NELL2: variants seen among roughly 807,000 people sequenced by gnomAD.
NELL2 encodes protein kinase C-binding protein NELL2.
NELL2 carries 41 observed loss-of-function variants against 109.6 expected under a neutral mutation model. The ratio of observed to expected loss-of-function variants is 0.37; its 90% confidence interval spans 0.29 to 0.49. The LOEUF (loss-of-function observed/expected upper bound fraction) is 0.49. Among genes scored for constraint, NELL2 ranks in the 20% least tolerant of loss-of-function variants. The pLI is 0.98. For synonymous variants in NELL2, 355 were observed against 344.7 expected (o/e 1.03, Z -0.33); for missense variants, 900 against 1,008.3 (o/e 0.89, Z 1.45).
upstream of NELL2, among the ~76,000 whole-genome samples, chr12:44,916,526 T>C (rs904715071): frequency 6.6e-6 from 1 of 152,206 alleles, no homozygotes; most frequent in Admixed American, 6.5e-5. Flanking sequence ...AGGGCACCAC[T>C]GTGATTTTTT....
At chr12:44,582,121 T>C (rs551725949) in intron 15 of NELL2, among the ~76,000 whole-genome samples, 2 of 152,242 alleles carry the variant, frequency 1.3e-5, no homozygotes, top group African/African-American at 4.8e-5. Flanking sequence ...GGGTAAAGAC[T>C]GGGAAGGGTG....
At chr12:44,608,264 C>CT (rs1945478325) in intron 14 of NELL2, among the ~76,000 whole-genome samples, 1 of 151,988 alleles carries the variant, frequency 6.6e-6, no homozygotes, top group Admixed American at 6.6e-5. Context: ...GTAGAATACA[C>CT]TTTTTCAGAG....
At chr12:44,531,123 T>C (rs1942034133) in intron 16 of NELL2, among the ~76,000 whole-genome samples, 4 of 152,140 alleles carry the variant, frequency 2.6e-5, no homozygotes, top group Admixed American at 1.3e-4. Flanking sequence ...GCAAGGATAC[T>C]AACCCAAATT....
chr12:44,817,415 C>G (rs180886961), intron 2 of NELL2, among the ~76,000 whole-genome samples: 1 of 152,108 alleles, frequency 6.6e-6, no homozygotes, highest in Non-Finnish European at 1.5e-5. Flanking sequence ...TTGAGACACT[C>G]GTATAATAGA....
intron 9 of NELL2, among the ~76,000 whole-genome samples, chr12:44,757,883 T>C (rs988070417): frequency 6.6e-6 from 1 of 152,188 alleles, no homozygotes; most frequent in Non-Finnish European, 1.5e-5. Flanking sequence ...GAGTATGATG[T>C]AATTAAGTAT....
At chr12:44,709,438 T>C (rs993452048) in intron 11 of NELL2, among the ~76,000 whole-genome samples, 1 of 152,134 alleles carries the variant, frequency 6.6e-6, no homozygotes. Context: ...CAACATGTAG[T>C]GAGGCCATCT....
Position 44,681,016 on chromosome 12 carries a change from T to C in NELL2, c.1319-15407A>G, listed in dbSNP as rs78707694. On this transcript the variant is annotated intron_variant, in intron 12 of 19. Coordinates refer to ENST00000429094, the MANE Select transcript of NELL2 (RefSeq NM_001145108.2). ...CTTATTTTCTTTGTGCAATTCTTTT[T>C]TTTTAAGAACCAAATCCATTTTATT... 3.9e-5 allele frequency among the ~76,000 whole-genome samples: 6 copies of C among 152,108 alleles called. No homozygotes were observed. In the East Asian group the frequency reaches 9.6e-4, roughly 24 times the overall value.
chr12:44,855,997 T>C (rs79022926), intron 2 of NELL2, among the ~76,000 whole-genome samples: 2,271 of 152,212 alleles, frequency 0.015, 77 homozygotes, highest in African/African-American at 0.052. Context: ...ATACAAAACA[T>C]AAAGTCACGA....
At chr12:44,572,010 G>C (rs954054833) in intron 15 of NELL2, among the ~76,000 whole-genome samples, 1 of 151,904 alleles carries the variant, frequency 6.6e-6, no homozygotes, top group African/African-American at 2.4e-5. Context: ...AACGTGCATA[G>C]CTCAAAAAAG....
chr12:44,649,607 A>G (rs1381165052), intron 13 of NELL2, among the ~76,000 whole-genome samples: 3 of 152,162 alleles, frequency 2.0e-5, no homozygotes, highest in African/African-American at 4.8e-5. Context: ...ACAGCATTGA[A>G]GGCTTCAGAG....
At chr12:44,646,689 G>A (rs1402989959) in intron 13 of NELL2, among the ~76,000 whole-genome samples, 1 of 152,132 alleles carries the variant, frequency 6.6e-6, no homozygotes, top group Non-Finnish European at 1.5e-5. Context: ...AGATAAGAGG[G>A]GACTACTGTA....
chr12:44,567,569 GAATGATGACTTAAGC>G (rs1207209365), intron 15 of NELL2, among the ~76,000 whole-genome samples: 2 of 152,102 alleles, frequency 1.3e-5, no homozygotes, highest in African/African-American at 4.8e-5. Flanking sequence ...GGGAACAAGG[GAATGATGACTTAAGC>G]ATGTACTGAA....
At chr12:44,906,775 T>G (rs557555066) in intron 1 of NELL2, among the ~76,000 whole-genome samples, 1 of 152,212 alleles carries the variant, frequency 6.6e-6, no homozygotes, top group South Asian at 2.1e-4. Flanking sequence ...ACTAAAAATA[T>G]GTCCAAATAG....
intron 2 of NELL2, among the ~76,000 whole-genome samples, chr12:44,868,462 T>A (rs965646520): frequency 4.6e-5 from 7 of 152,196 alleles, no homozygotes; most frequent in Admixed American, 4.6e-4. Flanking sequence ...TGATCTCACA[T>A]CTTGACAATT....
intron 10 of NELL2, among the ~76,000 whole-genome samples, chr12:44,711,661 C>A (rs1348029555): frequency 6.6e-6 from 1 of 151,952 alleles, no homozygotes; most frequent in African/African-American, 2.4e-5. Flanking sequence ...TCTGGGTAAT[C>A]CTGGAAAATT....
intron 1 of NELL2, among the ~76,000 whole-genome samples, chr12:44,911,795 A>G (rs1305016915): frequency 6.6e-6 from 1 of 151,790 alleles, no homozygotes; most frequent in Non-Finnish European, 1.5e-5. Flanking sequence ...ACAAAATTCT[A>G]GGGGACCAAA....
chr12:44,636,981 G>C (rs1810866228), intron 13 of NELL2, among the ~76,000 whole-genome samples: 1 of 152,074 alleles, frequency 6.6e-6, no homozygotes, highest in African/African-American at 2.4e-5. Context: ...TTAGTGTTGG[G>C]AGGGTGTATG....
intron 13 of NELL2, among the ~76,000 whole-genome samples, chr12:44,648,934 G>GTGTGTT (rs1947202433): frequency 6.7e-6 from 1 of 149,040 alleles, no homozygotes. Flanking sequence ...GTGTGTGTGT[G>GTGTGTT]TGTGTGTGTT....
Position 44,615,895 on chromosome 12 carries a change from G to T in NELL2, c.1445-4925C>A, listed in dbSNP as rs1375930324. Among the ~76,000 whole-genome samples the T allele has an allele frequency of 3.3e-5, 5 of 152,082 alleles. No individual in the cohort carries two copies. In the South Asian group the frequency reaches 8.3e-4, roughly 25 times the overall value. Reference sequence around the variant, plus strand: ...ATATAAGTTTTTAAAAGAAAAGGATGATAACAACATGTTCAAGTTCAAATC... The same window carrying T: ...ATATAAGTTTTTAAAAGAAAAGGATTATAACAACATGTTCAAGTTCAAATC... On this transcript the variant is annotated intron_variant, in intron 13 of 19. Transcript: ENST00000429094.
Sources: gnomAD v4.1 joint callset for allele counts (sites outside exome capture counted in the v4.1 genomes callset) on GRCh38, gnomAD v4.1.1 for gene constraint, MANE v1.5 for transcripts, NCBI Gene and HGNC (gene_info 2026-07-23, HGNC 2026-07-21) for gene names.